The following SLC45A2 variants were observed in gnomAD, a reference collection of about 807,000 sequenced individuals.
SLC45A2 encodes the protein membrane-associated transporter protein.
A neutral mutation model predicts 45.5 loss-of-function variants in SLC45A2; 36 were observed. The observed-to-expected ratio is 0.79, with a 90% CI of 0.61 to 1.04. The LOEUF is 1.04. SLC45A2 is among the 50% of genes least tolerant of loss of function. SLC45A2 has a pLI of 0.00. For missense variants in SLC45A2, 719 were observed against 671.0 expected (o/e 1.07, Z -0.79); for synonymous variants, 306 against 269.3 (o/e 1.14, Z -1.33).
chr5:33,954,583 T>A (rs759513969), intron 3 of SLC45A2, 79 bp from the exon 4 acceptor site: 74 of 1,585,378 alleles, frequency 4.7e-5, no homozygotes, highest in Admixed American at 1.4e-4. Context: ...CACACAGACA[T>A]GTTATGTATT....
At chr5:33,961,959 G>C (rs1020977288) in intron 3 of SLC45A2, among the ~76,000 whole-genome samples, 4 of 152,208 alleles carry the variant, frequency 2.6e-5, no homozygotes, top group Admixed American at 6.5e-5. Flanking sequence ...CTGCATCTGA[G>C]AGGCTTCCTA....
intron 3 of SLC45A2, among the ~76,000 whole-genome samples, chr5:33,958,957 A>G (rs1752362898): frequency 6.6e-6 from 1 of 152,148 alleles, no homozygotes; most frequent in Non-Finnish European, 1.5e-5. Flanking sequence ...TCAGGGTGTT[A>G]TCTATTATCA....
At chr5:33,972,156 T>A in intron 2 of SLC45A2, 1 of 520,320 alleles carries the variant, frequency 1.9e-6, no homozygotes, top group Non-Finnish European at 3.9e-6. Flanking sequence ...CCACCATGCA[T>A]CATTTTTATG....
At chr5:33,955,600 G>A (rs968308418) in intron 3 of SLC45A2, among the ~76,000 whole-genome samples, 1 of 152,186 alleles carries the variant, frequency 6.6e-6, no homozygotes, top group Non-Finnish European at 1.5e-5. Context: ...CTTACATTGA[G>A]TTAGAAGTAA....
At chr5:33,951,470 G>A in intron 5 of SLC45A2, 84 bp downstream of exon 5, 1 of 1,608,714 alleles carries the variant, frequency 6.2e-7, no homozygotes, top group Non-Finnish European at 8.5e-7. Flanking sequence ...TTAAACAGTA[G>A]GAAATACACA....
chr5:33,954,528 G>C (rs749897175), intron 3 of SLC45A2, 24 bp from the exon 4 acceptor site: 1 of 1,612,632 alleles, frequency 6.2e-7, no homozygotes, highest in African/African-American at 1.3e-5. Flanking sequence ...TGAAACAGAG[G>C]TGTGATCTTC....
chr5:33,976,858 C>T (rs1336974138), intron 2 of SLC45A2, among the ~76,000 whole-genome samples: 1 of 152,164 alleles, frequency 6.6e-6, no homozygotes, highest in African/African-American at 2.4e-5. Context: ...AGCATGTGTG[C>T]TCCATCCACA....
intron 2 of SLC45A2, 105 bp from the exon 3 acceptor site, chr5:33,964,121 A>G: frequency 8.8e-7 from 1 of 1,136,112 alleles, no homozygotes; most frequent in Non-Finnish European, 1.3e-6. Flanking sequence ...AAGACAGCAG[A>G]GGCAACCTGG....
intron 5 of SLC45A2, among the ~76,000 whole-genome samples, chr5:33,949,963 G>A (rs933876073): frequency 1.3e-5 from 2 of 152,004 alleles, no homozygotes; most frequent in Non-Finnish European, 2.9e-5. Context: ...TGAGACAGGA[G>A]GATCACTTGA....
chr5:33,952,674 GT>G (rs35919837), intron 4 of SLC45A2, among the ~76,000 whole-genome samples: 101,105 of 134,168 alleles, frequency 0.75, 41,562 homozygotes, highest in Non-Finnish European at 0.96. Flanking sequence ...TTGAGCAAAA[GT>G]TTTTTTTTTT....
At chr5:33,951,059 A>C (rs1752081713) in intron 5 of SLC45A2, among the ~76,000 whole-genome samples, 1 of 152,182 alleles carries the variant, frequency 6.6e-6, no homozygotes, top group African/African-American at 2.4e-5. Context: ...TGGGAAGGAA[A>C]GCCAGCTGTC....
intron 3 of SLC45A2, among the ~76,000 whole-genome samples, chr5:33,962,812 A>C (rs1752488877): frequency 6.6e-6 from 1 of 152,244 alleles, no homozygotes. Context: ...GAATAACACA[A>C]GTCAGCAGCT....
chr5:33,949,687 T>C (rs1053553532), intron 5 of SLC45A2, among the ~76,000 whole-genome samples: 1 of 152,218 alleles, frequency 6.6e-6, no homozygotes, highest in Non-Finnish European at 1.5e-5. Context: ...ATCCCATAGA[T>C]TTATACATTA....
chr5:33,954,878 C>G (rs904314833), intron 3 of SLC45A2, among the ~76,000 whole-genome samples: 5 of 152,154 alleles, frequency 3.3e-5, no homozygotes, highest in Admixed American at 6.6e-5. Flanking sequence ...TCTTGGGTCT[C>G]TTAACTGTGA....
chr5:33,946,795 G>A lies in SLC45A2; in HGVS notation c.1368+368C>T, dbSNP rs1751942397. On this transcript the variant is annotated intron_variant, in intron 6 of 6. Transcript: ENST00000296589. The stretch of plus-strand genomic sequence containing the variant: ...TCGGTATCTAGAAATGCTGCAGGTG[G>A]CACCAGGGAGACCTATGAGGTGGTT... 2.5e-6 allele frequency: 3 copies of A among 1,181,062 alleles called. No individual in the cohort carries two copies. The South Asian group carries it at 7.0e-5, about 27-fold the overall frequency. 73.2% of individuals were successfully genotyped at this position (1,181,062 alleles called of 1,614,324 possible).
At chr5:33,969,613 T>C (rs939226328) in intron 2 of SLC45A2, among the ~76,000 whole-genome samples, 5 of 152,170 alleles carry the variant, frequency 3.3e-5, no homozygotes, top group African/African-American at 4.8e-5. Flanking sequence ...TGCGAAGGCA[T>C]CGAGAGTAGA....
At chr5:33,960,773 A>T (rs114833344) in intron 3 of SLC45A2, among the ~76,000 whole-genome samples, 2,135 of 151,852 alleles carry the variant, frequency 0.014, 38 homozygotes, top group African/African-American at 0.049. Flanking sequence ...CATTTTTTTT[A>T]AAAAAAGGGC....
intron 5 of SLC45A2, 174 bp downstream of exon 5, chr5:33,951,380 G>GA (rs1318494318): frequency 2.7e-6 from 4 of 1,506,518 alleles, no homozygotes; most frequent in African/African-American, 1.4e-5. Flanking sequence ...AATTCATGAT[G>GA]AAAAAAGGAT....
At chr5:33,963,369 T>A (rs1752504014) in intron 3 of SLC45A2, among the ~76,000 whole-genome samples, 1 of 152,208 alleles carries the variant, frequency 6.6e-6, no homozygotes, top group Non-Finnish European at 1.5e-5. Context: ...ATGATCCTAA[T>A]CTAAGGGGAT....
Sources: gnomAD v4.1 joint callset for allele counts (sites outside exome capture counted in the v4.1 genomes callset) on GRCh38, gnomAD v4.1.1 for gene constraint, MANE v1.5 for transcripts, NCBI Gene and HGNC (gene_info 2026-07-23, HGNC 2026-07-21) for gene names.